Variants in MAP3K20 observed in about 807,000 individuals in gnomAD.
MAP3K20 encodes HCCS-4.
In MAP3K20, 40 loss-of-function variants were observed where a neutral mutation model predicts 85.7. That is an observed-to-expected ratio of 0.47 (90% CI 0.36 to 0.61). The LOEUF (loss-of-function observed/expected upper bound fraction) is 0.61, where lower values mean the gene tolerates loss of function less well. MAP3K20 is among the 20% of genes least tolerant of loss of function. The pLI, the probability that MAP3K20 is intolerant of heterozygous loss-of-function variation, is 0.00. For missense variants in MAP3K20, 817 were observed against 961.7 expected, an observed-to-expected ratio of 0.85 and a Z score of 1.99; for synonymous variants, 325 against 327.7, an observed-to-expected ratio of 0.99 and a Z score of 0.09.
intron 1 of MAP3K20, among the ~76,000 whole-genome samples, chr2:173,089,916 C>G (rs1687244966): frequency 1.3e-5 from 2 of 151,778 alleles, no homozygotes; most frequent in South Asian, 4.2e-4. Flanking sequence ...AGTTTTTCTG[C>G]AAAAAACAAA....
At chr2:173,167,561 T>C (rs1016695262) in intron 2 of MAP3K20, among the ~76,000 whole-genome samples, 2 of 152,164 alleles carry the variant, frequency 1.3e-5, no homozygotes, top group Non-Finnish European at 2.9e-5. Context: ...TTCATGAAAA[T>C]GTCATTTACT....
chr2:173,165,990 T>C (rs1202185655), intron 2 of MAP3K20, among the ~76,000 whole-genome samples: 3 of 152,204 alleles, frequency 2.0e-5, no homozygotes, highest in African/African-American at 7.2e-5. Flanking sequence ...GCATTTATTA[T>C]AGTCACAGTG....
At chr2:173,223,051 A>G in intron 11 of MAP3K20, 1 of 985,460 alleles carries the variant, frequency 1.0e-6, no homozygotes, top group Non-Finnish European at 1.2e-6. Context: ...ATTTCTAACT[A>G]TATTTGATCA....
intron 2 of MAP3K20, among the ~76,000 whole-genome samples, chr2:173,140,644 C>T (rs886351041): frequency 6.6e-6 from 1 of 152,218 alleles, no homozygotes; most frequent in African/African-American, 2.4e-5. Flanking sequence ...GCCACTGCAT[C>T]CAGCCCAGAT....
At chr2:173,248,284 T>C (rs1387722027) in intron 16 of MAP3K20, among the ~76,000 whole-genome samples, 1 of 152,156 alleles carries the variant, frequency 6.6e-6, no homozygotes, top group African/African-American at 2.4e-5. Flanking sequence ...GAAAAAAATA[T>C]ACTAGTTGGG....
chr2:173,238,829 C>T (rs538197792), intron 15 of MAP3K20, among the ~76,000 whole-genome samples: 21 of 152,318 alleles, frequency 1.4e-4, no homozygotes, highest in African/African-American at 3.6e-4. Flanking sequence ...GTTTGAATAA[C>T]ATATTAGTAT....
At chr2:173,265,279 CGTT>C (rs1685393966) in intron 19 of MAP3K20, among the ~76,000 whole-genome samples, 2 of 152,194 alleles carry the variant, frequency 1.3e-5, no homozygotes. Flanking sequence ...ACATGGGTAA[CGTT>C]GTTCAGGCTC....
chr2:173,137,997 G>A (rs1381546125), intron 2 of MAP3K20, among the ~76,000 whole-genome samples: 1 of 152,094 alleles, frequency 6.6e-6, no homozygotes, highest in Admixed American at 6.5e-5. Context: ...ACAGGATCTT[G>A]CTGTGTCGCC....
chr2:173,155,430 C>T (rs951389527), intron 2 of MAP3K20, among the ~76,000 whole-genome samples: 2 of 152,208 alleles, frequency 1.3e-5, no homozygotes, highest in Admixed American at 1.3e-4. Context: ...CTGTCTTGTT[C>T]ACCACTGTCC....
intron 7 of MAP3K20, among the ~76,000 whole-genome samples, chr2:173,196,767 T>A (rs1690855393): frequency 2.0e-5 from 3 of 152,054 alleles, no homozygotes; most frequent in South Asian, 4.1e-4. Context: ...GAAATCTGAG[T>A]CGAAGCCACT....
intron 2 of MAP3K20, among the ~76,000 whole-genome samples, chr2:173,147,626 T>A (rs1689173034): frequency 6.6e-6 from 1 of 152,132 alleles, no homozygotes; most frequent in Admixed American, 6.5e-5. Context: ...CTCACTCTGT[T>A]GCCAGGCTGG....
intron 2 of MAP3K20, among the ~76,000 whole-genome samples, chr2:173,096,180 C>T (rs1687454613): frequency 6.6e-6 from 1 of 152,100 alleles, no homozygotes; most frequent in Non-Finnish European, 1.5e-5. Flanking sequence ...TCCTAGAATT[C>T]AGTATGTGTT....
intron 16 of MAP3K20, among the ~76,000 whole-genome samples, chr2:173,250,259 T>C (rs1172552469): frequency 6.6e-6 from 1 of 152,242 alleles, no homozygotes; most frequent in East Asian, 1.9e-4. Context: ...CTTTCAGCTG[T>C]TCATTGTGCC....
At chr2:173,250,232 G>A (rs1016688126) in intron 16 of MAP3K20, among the ~76,000 whole-genome samples, 4 of 152,134 alleles carry the variant, frequency 2.6e-5, no homozygotes, top group African/African-American at 7.2e-5. Flanking sequence ...CTTTTCAAAA[G>A]GCAAATGTTA....
chr2:173,202,639 A>T (rs1691108914), intron 8 of MAP3K20, among the ~76,000 whole-genome samples: 1 of 152,210 alleles, frequency 6.6e-6, no homozygotes, highest in African/African-American at 2.4e-5. Flanking sequence ...ATAAAAGAGA[A>T]ATAAATGAAA....
chr2:173,181,262 A>G (rs887244644), intron 3 of MAP3K20, among the ~76,000 whole-genome samples: 2 of 152,168 alleles, frequency 1.3e-5, no homozygotes, highest in African/African-American at 4.8e-5. Flanking sequence ...TGCACCTGTA[A>G]TCCCAGCTAC....
intron 1 of MAP3K20, among the ~76,000 whole-genome samples, chr2:173,080,366 G>A (rs1686980445): frequency 6.6e-6 from 1 of 152,308 alleles, no homozygotes; most frequent in East Asian, 1.9e-4. Context: ...TCTGCTGCTA[G>A]AGCAGTCTGT....
At chr2:173,085,797 T>TTTA (rs1687129056) in intron 1 of MAP3K20, among the ~76,000 whole-genome samples, 1 of 135,844 alleles carries the variant, frequency 7.4e-6, no homozygotes, top group Admixed American at 7.3e-5. Context: ...TTTTTTTTTT[T>TTTA]TTTTTTTTTT....
intron 2 of MAP3K20, among the ~76,000 whole-genome samples, chr2:173,121,804 A>G (rs572511767): frequency 3.6e-4 from 55 of 152,166 alleles, no homozygotes; most frequent in African/African-American, 8.7e-4. Flanking sequence ...CTCAGTGTCT[A>G]TCTCCATGTT....
Sources: allele counts gnomAD v4.1 joint callset (sites outside exome capture counted in the v4.1 genomes callset), GRCh38; gene constraint gnomAD v4.1.1; transcripts MANE v1.5; gene names NCBI Gene and HGNC (gene_info 2026-07-23, HGNC 2026-07-21).